NR3C1: variants seen among roughly 807,000 people sequenced by gnomAD.
NR3C1 encodes glucocorticoid receptor.
Under a neutral mutation model 74.0 loss-of-function variants are expected in NR3C1, and 14 were observed. That is an observed-to-expected ratio of 0.19 (90% CI 0.12 to 0.30). NR3C1 has a LOEUF of 0.30. Among genes scored for constraint, NR3C1 ranks in the 10% least tolerant of loss-of-function variants. The pLI, the probability that NR3C1 is intolerant of heterozygous loss-of-function variation, is 1.00. For missense variants in NR3C1, 695 were observed against 909.8 expected (o/e 0.76, Z 3.04); for synonymous variants, 308 against 332.5 (o/e 0.93, Z 0.80).
intron 2 of NR3C1, among the ~76,000 whole-genome samples, chr5:143,349,031 G>A (rs762010480): frequency 2.6e-5 from 4 of 152,074 alleles, no homozygotes; most frequent in Non-Finnish European, 5.9e-5. Flanking sequence ...CTGAAGTGGA[G>A]GGAGGATCAG....
Position 143,293,472 on chromosome 5 carries a change from G to A in NR3C1, c.2023+1988C>T, listed in dbSNP as rs565925198. ...CAAAATCCCAGAAATCACCACTAAA[G>A]AACTTATTCATGTAACCTACCACTA... On this transcript the variant is annotated intron_variant, in intron 7 of 8. Coordinates refer to ENST00000394464, the MANE Select transcript of NR3C1 (RefSeq NM_000176.3). Among the ~76,000 whole-genome samples the A allele has an allele frequency of 5.3e-5, 8 of 152,032 alleles. No individual in the cohort carries two copies. In the South Asian group the frequency reaches 1.7e-3, roughly 32 times the overall value.
intron 2 of NR3C1, among the ~76,000 whole-genome samples, chr5:143,360,420 A>G (rs1190359909): frequency 2.6e-5 from 4 of 152,218 alleles, no homozygotes; most frequent in Non-Finnish European, 5.9e-5. Flanking sequence ...ACAGCTTTAA[A>G]AAACAGGTAA....
chr5:143,409,643 A>G (rs1293726922), intron 1 of NR3C1, among the ~76,000 whole-genome samples: 2 of 152,226 alleles, frequency 1.3e-5, no homozygotes, highest in African/African-American at 4.8e-5. Flanking sequence ...TAAGAGGTTC[A>G]AGGGAACCCA....
At chr5:143,297,577 G>C (rs924080675) in intron 6 of NR3C1, among the ~76,000 whole-genome samples, 1 of 152,162 alleles carries the variant, frequency 6.6e-6, no homozygotes, top group Non-Finnish European at 1.5e-5. Context: ...GCAGTAGTTT[G>C]AACAGTCCTC....
Position 143,300,528 on chromosome 5 carries a change from C to T in NR3C1, c.1704G>A (p.Gly568=). 6.2e-7 allele frequency: 1 copy of T among 1,614,184 alleles called. No individual in the cohort carries two copies. ...ATTTCACTGCTGCAATCACTTGCCG[C>T]CCTCCTAACATGTTGAGCGTAGTCA... is the stretch of plus-strand genomic sequence containing the variant. ...RIMTTLNMLG[G]RQVIAAVKWA... The change falls in exon 5 of 9, where the codon GGG becomes GGA. Residue 568 remains glycine, a synonymous_variant. Coordinates refer to ENST00000394464, the MANE Select transcript of NR3C1 (RefSeq NM_000176.3). The surrounding 1 kb of genome is among the most constrained non-coding windows in gnomAD (Gnocchi z 5.2).
At chr5:143,313,953 A>ACAT in intron 3 of NR3C1, 49 bp downstream of exon 3, 1 of 1,598,466 alleles carries the variant, frequency 6.3e-7, no homozygotes, top group African/African-American at 1.3e-5. Context: ...CCACCCTGAG[A>ACAT]AATGAAAACC....
chr5:143,384,081 T>C (rs557274447), intron 2 of NR3C1, among the ~76,000 whole-genome samples: 84 of 152,210 alleles, frequency 5.5e-4, no homozygotes, highest in African/African-American at 2.0e-3. Context: ...TGGTGGAAGT[T>C]GAAGGAGAAG....
intron 7 of NR3C1, chr5:143,295,241 TCA>T (rs1479660225): frequency 1.0e-6 from 1 of 985,044 alleles, no homozygotes; most frequent in African/African-American, 1.7e-5. Flanking sequence ...CCTATGCAGC[TCA>T]TATACCTCTC....
chr5:143,279,164 T>C lies in NR3C1; in HGVS notation c.*2725A>G, dbSNP rs2151464687. 1 of 607,724 alleles carries C rather than the reference T, an allele frequency of 1.6e-6. No individual in the cohort carries two copies. The highest frequency in any genetic ancestry group is 2.4e-5 in the South Asian group (1 of 41,926). 37.6% of individuals were successfully genotyped at this position (607,724 alleles called of 1,614,324 possible). Reference sequence around the variant, plus strand: ...ACAGCACCACCATATAGCACTTAAATCCACAATTAAACATAATTAAGATGA... The same window carrying C: ...ACAGCACCACCATATAGCACTTAAACCCACAATTAAACATAATTAAGATGA... On this transcript the variant is annotated 3_prime_UTR_variant, in exon 9 of 9. Coordinates refer to ENST00000394464, the MANE Select transcript of NR3C1 (RefSeq NM_000176.3).
intron 1 of NR3C1, among the ~76,000 whole-genome samples, chr5:143,423,671 G>A (rs938912354): frequency 3.3e-5 from 5 of 152,032 alleles, no homozygotes; most frequent in Admixed American, 1.3e-4. Context: ...CATGTTTACC[G>A]CAGCACTATT....
At chr5:143,318,363 G>T (rs941141413) in intron 2 of NR3C1, among the ~76,000 whole-genome samples, 4 of 152,070 alleles carry the variant, frequency 2.6e-5, no homozygotes, top group African/African-American at 7.2e-5. Context: ...ATGAACTTTT[G>T]ATTGTTACAT....
intron 2 of NR3C1, among the ~76,000 whole-genome samples, chr5:143,367,098 G>A (rs1435982112): frequency 2.6e-5 from 4 of 152,086 alleles, no homozygotes; most frequent in Non-Finnish European, 1.5e-5. Context: ...AGAACACAGG[G>A]TTTGTTTGAC....
At chr5:143,402,211 A>G (rs1211906966) in intron 1 of NR3C1, among the ~76,000 whole-genome samples, 6 of 152,196 alleles carry the variant, frequency 3.9e-5, no homozygotes, top group South Asian at 2.1e-4. Flanking sequence ...ATGGAGCCCA[A>G]TGAATTTCCA....
rs143830570 is a variant in NR3C1, at chr5:143,285,145, A to G, written c.2024-2420T>C. Reference sequence around the variant, plus strand: ...CAAAGAAAGGCCTCCAGAAATCTGTACAGTCTTCGGCTGAATAAAAATTTG... The same window carrying G: ...CAAAGAAAGGCCTCCAGAAATCTGTGCAGTCTTCGGCTGAATAAAAATTTG... On this transcript the variant is annotated intron_variant, in intron 7 of 8. Coordinates refer to ENST00000394464, the MANE Select transcript of NR3C1 (RefSeq NM_000176.3). Among the ~76,000 whole-genome samples, 428 of 151,906 alleles carry G rather than the reference A, an allele frequency of 2.8e-3. 1 individual carries two copies. The highest frequency in any genetic ancestry group is 9.7e-3 in the African/African-American group (403 of 41,404).
intron 2 of NR3C1, among the ~76,000 whole-genome samples, chr5:143,353,660 G>A (rs1232241990): frequency 6.6e-6 from 1 of 152,138 alleles, no homozygotes; most frequent in Non-Finnish European, 1.5e-5. Context: ...AGTTGAACAG[G>A]TCTTTACAGT....
intron 1 of NR3C1, among the ~76,000 whole-genome samples, chr5:143,419,240 T>G (rs1308706308): frequency 6.6e-6 from 1 of 152,186 alleles, no homozygotes; most frequent in African/African-American, 2.4e-5. Flanking sequence ...TACCAATTTA[T>G]TTTCACCAAC....
chr5:143,293,823 T>C (rs1427530533), intron 7 of NR3C1: 1 of 904,470 alleles, frequency 1.1e-6, no homozygotes, highest in Non-Finnish European at 1.3e-6. Context: ...AAAAAAATCA[T>C]ATAGCTCAAT....
intron 3 of NR3C1, among the ~76,000 whole-genome samples, chr5:143,311,788 G>GTTTT (rs34827388): frequency 2.5e-5 from 3 of 119,404 alleles, no homozygotes; most frequent in Non-Finnish European, 5.2e-5. Context: ...CCTGGATAAC[G>GTTTT]TTTTTTTTTT....
chr5:143,420,852 C>A (rs1334767629), intron 1 of NR3C1, among the ~76,000 whole-genome samples: 1 of 152,092 alleles, frequency 6.6e-6, no homozygotes, highest in African/African-American at 2.4e-5. Context: ...AATTCAGCTG[C>A]AAAAGTGTAT....
Sources: allele counts gnomAD v4.1 joint callset (sites outside exome capture counted in the v4.1 genomes callset), GRCh38; gene constraint gnomAD v4.1.1; non-coding constraint Gnocchi (gnomAD v3.1); transcripts MANE v1.5; gene names NCBI Gene and HGNC (gene_info 2026-07-23, HGNC 2026-07-21).